Variants in FAM76B observed in about 807,000 individuals in gnomAD.
FAM76B encodes protein FAM76B.
FAM76B carries 16 observed loss-of-function variants against 51.8 expected under a neutral mutation model. That is an observed-to-expected ratio of 0.31 (90% CI 0.21 to 0.47). The LOEUF is 0.47. Among genes scored for constraint, FAM76B ranks in the 20% least tolerant of loss-of-function variants. FAM76B has a pLI of 1.00. For synonymous variants in FAM76B, 166 were observed against 129.5 expected (o/e 1.28, Z -1.91); for missense variants, 342 against 392.6 (o/e 0.87, Z 1.09).
chr11:95,789,766 T>C lies in FAM76B; in HGVS notation c.-288A>G, dbSNP rs539921193. ...AGCGGGTAGGGGGTTGCTGTTTAGC[T>C]GTGCGGCCGTGGATCCGCTTCCTTC... On this transcript the variant is annotated 5_prime_UTR_variant, in exon 1 of 10. Coordinates refer to ENST00000358780, the MANE Select transcript of FAM76B (RefSeq NM_144664.5). 8.1e-6 allele frequency: 3 copies of C among 372,502 alleles called. No individual in the cohort carries two copies. Among genetic ancestry groups the C allele is most frequent in the African/African-American group, 2.1e-5 (1 of 47,132 alleles). The allele number at this position is 372,502 out of a possible 1,614,324, so 23.1% of individuals were successfully genotyped here.
Position 95,783,277 on chromosome 11 carries a change from T to C in FAM76B, c.364-13A>G, listed in dbSNP as rs1162148334. The C allele has an allele frequency of 3.1e-6, 5 of 1,608,566 alleles. No homozygotes were observed. In the East Asian group the frequency reaches 8.9e-5, roughly 29 times the overall value. On this transcript the variant is annotated splice_polypyrimidine_tract_variant and intron_variant, in intron 4 of 9. Coordinates refer to ENST00000358780, the MANE Select transcript of FAM76B (RefSeq NM_144664.5). The stretch of plus-strand genomic sequence containing the variant: ...ACTTTCCATCAACCTTTTAAGAAAA[T>C]GTGTTAAATTAAATGTACCCATATA...
chr11:95,777,737 G>A (rs1354789292), intron 8 of FAM76B, among the ~76,000 whole-genome samples: 2 of 151,342 alleles, frequency 1.3e-5, no homozygotes. Flanking sequence ...TCAAGGTGTG[G>A]CAAAATGTAT....
chr11:95,771,737 T>C (rs1395392817), intron 9 of FAM76B, 87 bp from the exon 10 acceptor site: 4 of 1,017,770 alleles, frequency 3.9e-6, no homozygotes, highest in Non-Finnish European at 4.4e-6. Context: ...AATACTGTTT[T>C]CATTTATATA....
At chr11:95,788,589 G>C (rs558820728) in intron 1 of FAM76B, 26 bp from the exon 2 acceptor site, 1 of 1,590,722 alleles carries the variant, frequency 6.3e-7, no homozygotes, top group South Asian at 1.1e-5. Context: ...ACATTAGTCA[G>C]TATCTTTCTG....
rs535560798 is a variant in FAM76B at position 95,784,537 on chromosome 11, A to G, written c.364-1273T>C. On this transcript the variant is annotated intron_variant, in intron 4 of 9. Coordinates refer to ENST00000358780, the MANE Select transcript of FAM76B (RefSeq NM_144664.5). ...TCTTAGCACTGTTGGCCATGAGTGC[A>G]ATTAAATTAATCGACAGTGTGTGTG... 2.0e-4 allele frequency among the ~76,000 whole-genome samples: 30 copies of G among 151,898 alleles called. 1 individual carries two copies. The highest frequency in any genetic ancestry group is 6.8e-4 in the African/African-American group (28 of 41,382).
intron 5 of FAM76B, among the ~76,000 whole-genome samples, chr11:95,780,589 T>G (rs1001631667): frequency 8.5e-5 from 13 of 152,054 alleles, no homozygotes; most frequent in African/African-American, 2.4e-4. Flanking sequence ...TAATTCATCA[T>G]GAATCCTTCA....
chr11:95,786,376 G>T, intron 3 of FAM76B, 102 bp from the exon 4 acceptor site: 1 of 1,395,700 alleles, frequency 7.2e-7, no homozygotes, highest in Non-Finnish European at 9.5e-7. Flanking sequence ...AGAAAACTCA[G>T]GTAAAAAATT....
At chr11:95,772,893 C>T (rs1461477267) in intron 9 of FAM76B, among the ~76,000 whole-genome samples, 4 of 150,954 alleles carry the variant, frequency 2.6e-5, no homozygotes, top group Non-Finnish European at 5.9e-5. Context: ...CTTATATGTG[C>T]AAATCAAATA....
chr11:95,783,032 G>T, intron 5 of FAM76B, 33 bp downstream of exon 5: 1 of 1,607,620 alleles, frequency 6.2e-7, no homozygotes, highest in South Asian at 1.1e-5. Context: ...ATGCAAGGAA[G>T]AGTTTTAGAA....
rs777389772 is a variant in FAM76B, at chr11:95,786,177, G to A, written c.305C>T (p.Thr102Ile). The change falls in exon 4 of 10, where the codon ACC (threonine) becomes ATC (isoleucine). Residue 102 changes from threonine to isoleucine, a missense_variant. By Grantham distance (89) the Thr-to-Ile change is moderately conservative. Coordinates refer to ENST00000358780, the MANE Select transcript of FAM76B (RefSeq NM_144664.5). ...ACATTGCTGTTTGCACTGTTCACAG[G>A]TCTGAGGTGGTCCATACTTTTTTTC... is the stretch of plus-strand genomic sequence containing the variant. ...NSEKKYGPPQ[T>I]CEQCKQQCAF... 1.2e-6 allele frequency: 2 copies of A among 1,614,082 alleles called. No individual in the cohort carries two copies. The highest frequency in any genetic ancestry group is 2.2e-5 in the South Asian group (2 of 91,074).
Position 95,770,502 on chromosome 11 carries a change from T to G in FAM76B, c.*1059A>C, listed in dbSNP as rs941800824. On this transcript the variant is annotated 3_prime_UTR_variant, in exon 10 of 10. Transcript: ENST00000358780. Reference sequence around the variant, plus strand: ...GAAACATTAAAATTTTTAAAAAATTTTATAAAATATAAAGCAAAACATGTA... The same window carrying G: ...GAAACATTAAAATTTTTAAAAAATTGTATAAAATATAAAGCAAAACATGTA... The G allele has an allele frequency of 6.6e-5, 10 of 151,672 alleles. No homozygotes were observed. The highest frequency in any genetic ancestry group is 2.0e-4 in the Admixed American group (3 of 15,124). 9.4% of individuals were successfully genotyped at this position (151,672 alleles called of 1,614,324 possible).
intron 5 of FAM76B, among the ~76,000 whole-genome samples, chr11:95,780,556 C>A (rs1421184440): frequency 6.6e-6 from 1 of 151,888 alleles, no homozygotes; most frequent in Non-Finnish European, 1.5e-5. Flanking sequence ...TTCTATTTTA[C>A]CCTAATACTA....
intron 3 of FAM76B, among the ~76,000 whole-genome samples, chr11:95,787,238 AGTTT>A (rs1860648518): frequency 6.6e-6 from 1 of 151,956 alleles, no homozygotes; most frequent in African/African-American, 2.4e-5. Flanking sequence ...GCATAGCAGT[AGTTT>A]TTTTTTTTCG....
intron 5 of FAM76B, among the ~76,000 whole-genome samples, chr11:95,780,312 G>A (rs1453617005): frequency 6.6e-6 from 1 of 151,812 alleles, no homozygotes; most frequent in Non-Finnish European, 1.5e-5. Context: ...CTAATAATCT[G>A]AAGTAGAGAT....
intron 5 of FAM76B, 104 bp downstream of exon 5, chr11:95,782,961 G>C: frequency 7.0e-7 from 1 of 1,432,170 alleles, no homozygotes; most frequent in African/African-American, 1.4e-5. Flanking sequence ...GTGTACAATG[G>C]AAACTAGACT....
chr11:95,776,079 C>CGGA (rs1261232548), intron 8 of FAM76B, 56 bp from the exon 9 acceptor site: 1 of 876,182 alleles, frequency 1.1e-6, no homozygotes, highest in East Asian at 3.0e-5. Context: ...ACACACACAC[C>CGGA]ATTTTAAATA....
chr11:95,785,263 T>C (rs937405977), intron 4 of FAM76B, among the ~76,000 whole-genome samples: 1 of 152,236 alleles, frequency 6.6e-6, no homozygotes, highest in African/African-American at 2.4e-5. Flanking sequence ...GGTTCGTTAC[T>C]ATCCCCAGTT....
intron 3 of FAM76B, among the ~76,000 whole-genome samples, chr11:95,787,248 T>C (rs1170301509): frequency 5.3e-5 from 8 of 152,246 alleles, no homozygotes; most frequent in Admixed American, 3.3e-4. Flanking sequence ...AGTTTTTTTT[T>C]TTCGAGACGC....
In FAM76B at chr11:95,775,960, T is replaced by C. The variant is rs1232872349; in HGVS notation, c.892A>G (p.Met298Val). 6.3e-7 allele frequency: 1 copy of C among 1,595,422 alleles called. No homozygotes were observed. Among genetic ancestry groups the C allele is most frequent in the South Asian group, 1.1e-5 (1 of 88,432 alleles). The stretch of plus-strand genomic sequence containing the variant: ...ACAGTTTCTTTGTGGGCTTTTTCCA[T>C]ACTGTTCATTTTTGTTCTCAAATTT... ...ESNLRTKMNS[M>V]EKAHKETVEQ... Residue 298 changes from methionine (M) to valine (V), a missense_variant, in exon 9 of 10, where the codon ATG (methionine) becomes GTG (valine). Around this residue, in one of 3 missense-constraint regions of FAM76B, gnomAD observed 230 missense variants for 257.4 expected, o/e 0.89. Transcript: ENST00000358780.
Sources: allele counts gnomAD v4.1 joint callset (sites outside exome capture counted in the v4.1 genomes callset), GRCh38; gene constraint gnomAD v4.1.1; regional missense constraint gnomAD v4.1.1; transcripts MANE v1.5; gene names NCBI Gene and HGNC (gene_info 2026-07-23, HGNC 2026-07-21).